Variants in CLEC16A observed in about 807,000 individuals in gnomAD.
CLEC16A encodes C-type lectin domain containing 16A, also known as protein CLEC16A.
Under a neutral mutation model 109.5 loss-of-function variants are expected in CLEC16A, and 51 were observed. The observed-to-expected ratio is 0.47, with a 90% CI of 0.37 to 0.59. The LOEUF (loss-of-function observed/expected upper bound fraction) is 0.59. Ranked by LOEUF, CLEC16A falls within the 20% of genes least tolerant of loss-of-function variation. The pLI is 0.00. For missense variants in CLEC16A, 1,339 were observed against 1,394.0 expected, an observed-to-expected ratio of 0.96 and a Z score of 0.63; for synonymous variants, 673 against 564.2, an observed-to-expected ratio of 1.19 and a Z score of -2.73.
At chr16:10,988,413 A>G (rs755341785) in intron 10 of CLEC16A, among the ~76,000 whole-genome samples, 10 of 152,034 alleles carry the variant, frequency 6.6e-5, no homozygotes, top group Non-Finnish European at 1.5e-4. Context: ...TCCCATGAGG[A>G]CAGGGACCAT....
chr16:11,169,242 G>C (rs1014827540), intron 23 of CLEC16A, among the ~76,000 whole-genome samples: 33 of 152,208 alleles, frequency 2.2e-4, no homozygotes, highest in African/African-American at 7.5e-4. Context: ...TCCGAAGTCA[G>C]AACTAGGAAA....
intron 3 of CLEC16A, among the ~76,000 whole-genome samples, chr16:10,967,267 T>G (rs908065678): frequency 1.3e-5 from 2 of 152,148 alleles, no homozygotes; most frequent in Non-Finnish European, 2.9e-5. Context: ...TTTTGATGAT[T>G]CCCAACAGAC....
intron 11 of CLEC16A, among the ~76,000 whole-genome samples, chr16:11,019,073 CAAGGT>C (rs1567202281): frequency 6.6e-6 from 1 of 152,150 alleles, no homozygotes; most frequent in Admixed American, 6.5e-5. Context: ...TGTCTGAGCC[CAAGGT>C]ATGTGTTCAC....
intron 19 of CLEC16A, among the ~76,000 whole-genome samples, chr16:11,097,365 G>A (rs546740816): frequency 6.6e-6 from 1 of 152,260 alleles, no homozygotes; most frequent in African/African-American, 2.4e-5. Flanking sequence ...GCCCTTGACA[G>A]GTTTCTTTCT....
At chr16:11,126,867 C>T (rs1338249250) in intron 22 of CLEC16A, 1 of 152,232 alleles carries the variant, frequency 6.6e-6, no homozygotes, top group Non-Finnish European at 1.5e-5. Flanking sequence ...TAACCCCTCC[C>T]CATATAGGGC....
At chr16:11,088,481 T>C (rs916626913) in intron 19 of CLEC16A, among the ~76,000 whole-genome samples, 6 of 152,180 alleles carry the variant, frequency 3.9e-5, no homozygotes, top group African/African-American at 1.4e-4. Context: ...AGAAAGACCT[T>C]GGTGTATTTC....
At chr16:11,166,022 T>G (rs2068245751) in intron 22 of CLEC16A, among the ~76,000 whole-genome samples, 1 of 152,172 alleles carries the variant, frequency 6.6e-6, no homozygotes, top group African/African-American at 2.4e-5. Context: ...AGCCTGAGAC[T>G]CTACCATGAG....
At chr16:11,113,285 T>C (rs1187542866) in intron 19 of CLEC16A, among the ~76,000 whole-genome samples, 1 of 152,244 alleles carries the variant, frequency 6.6e-6, no homozygotes, top group Non-Finnish European at 1.5e-5. Context: ...TGAGTCCCTT[T>C]GTGTAAAGCT....
chr16:10,947,951 T>G (rs1302166755), intron 1 of CLEC16A, among the ~76,000 whole-genome samples: 1 of 152,174 alleles, frequency 6.6e-6, no homozygotes, highest in Non-Finnish European at 1.5e-5. Context: ...TGGAGTGCAG[T>G]GGCACGATCT....
intron 11 of CLEC16A, among the ~76,000 whole-genome samples, chr16:11,005,122 G>A (rs78799313): frequency 6.6e-6 from 1 of 152,174 alleles, no homozygotes; most frequent in Non-Finnish European, 1.5e-5. Flanking sequence ...GTCCTTTTAA[G>A]GATGCTCTCT....
rs1036472649 is a variant in CLEC16A at position 11,010,332 on chromosome 16, GCA to G, written c.1303+7029_1303+7030del. On this transcript the variant is annotated intron_variant, in intron 11 of 23. Coordinates refer to ENST00000409790, the MANE Select transcript of CLEC16A (RefSeq NM_015226.3). ...TTCTCAATGCACACAACAGGCCCTA[GCA>G]CCTTTTTGTTTATTCATCATGTATA... 1.1e-4 allele frequency among the ~76,000 whole-genome samples: 17 copies of G among 152,020 alleles called. No homozygotes were observed. In the South Asian group the frequency reaches 3.3e-3, roughly 30 times the overall value.
intron 11 of CLEC16A, among the ~76,000 whole-genome samples, chr16:11,011,265 A>T (rs1344559566): frequency 6.6e-6 from 1 of 152,230 alleles, no homozygotes; most frequent in Admixed American, 6.5e-5. Flanking sequence ...TTCCACGTTC[A>T]ACATTCTCTC....
chr16:10,947,976 C>A (rs2041489446), intron 1 of CLEC16A, among the ~76,000 whole-genome samples: 1 of 152,182 alleles, frequency 6.6e-6, no homozygotes, highest in East Asian at 1.9e-4. Flanking sequence ...TCACTGCAAG[C>A]TCCGCCTCCC....
chr16:11,178,930 G>T lies in CLEC16A; in HGVS notation c.*240G>T. 1 of 476,314 alleles carries T rather than the reference G, an allele frequency of 2.1e-6. No homozygotes were observed. Among genetic ancestry groups the T allele is most frequent in the East Asian group, 3.4e-5 (1 of 29,312 alleles). 29.5% of individuals were successfully genotyped at this position (476,314 alleles called of 1,614,324 possible). A position where few individuals can be genotyped will look rare whatever the true frequency, so the allele number is the denominator to read the frequency against. On this transcript the variant is annotated 3_prime_UTR_variant, in exon 24 of 24. Transcript: ENST00000409790. The surrounding 1 kb of genome is among the most constrained non-coding windows in gnomAD (Gnocchi z 6.5). Reference sequence around the variant, plus strand: ...CAGCGGAGACACCGCGGCGAATGCAGATGACTGCACCGGCCACTCAGGGAG... The same window carrying T: ...CAGCGGAGACACCGCGGCGAATGCATATGACTGCACCGGCCACTCAGGGAG...
chr16:10,972,618 T>C, intron 6 of CLEC16A, 59 bp downstream of exon 6: 1 of 1,471,484 alleles, frequency 6.8e-7, no homozygotes, highest in South Asian at 1.2e-5. Flanking sequence ...GTAAATACCT[T>C]GCTTGAGAAT....
At chr16:10,974,610 C>T (rs962527674) in intron 7 of CLEC16A, among the ~76,000 whole-genome samples, 2 of 152,234 alleles carry the variant, frequency 1.3e-5, no homozygotes, top group African/African-American at 4.8e-5. Context: ...AATTCACCCT[C>T]ACTTGAGAAC....
At chr16:11,012,311 A>G (rs1242348756) in intron 11 of CLEC16A, among the ~76,000 whole-genome samples, 1 of 152,222 alleles carries the variant, frequency 6.6e-6, no homozygotes, top group Non-Finnish European at 1.5e-5. Flanking sequence ...AGAAAGATTT[A>G]TGGGCCGGGC....
intron 18 of CLEC16A, among the ~76,000 whole-genome samples, chr16:11,052,653 T>C (rs78222559): frequency 7.6e-4 from 116 of 152,184 alleles, no homozygotes; most frequent in Middle Eastern, 3.4e-3. Flanking sequence ...CACGATTCTG[T>C]TTGTGGGTGG....
At chr16:11,058,989 T>G (rs1013595606) in intron 18 of CLEC16A, among the ~76,000 whole-genome samples, 6 of 152,202 alleles carry the variant, frequency 3.9e-5, no homozygotes. Flanking sequence ...GTCTTGGGCT[T>G]TCTGTACTTG....
Sources: allele counts gnomAD v4.1 joint callset (sites outside exome capture counted in the v4.1 genomes callset), GRCh38; gene constraint gnomAD v4.1.1; non-coding constraint Gnocchi (gnomAD v3.1); transcripts MANE v1.5; gene names NCBI Gene and HGNC (gene_info 2026-07-23, HGNC 2026-07-21).